The following KIF27 variants were observed in gnomAD, a reference collection of about 807,000 sequenced individuals.
The protein encoded by KIF27 is kinesin-like protein KIF27.
In KIF27, 84 loss-of-function variants were observed where a neutral mutation model predicts 141.8. The observed-to-expected ratio is 0.59, with a 90% CI of 0.50 to 0.71. The LOEUF is 0.71. Ranked by LOEUF, KIF27 falls within the 30% of genes least tolerant of loss-of-function variation. The pLI is 0.00. For missense variants in KIF27, 1,306 were observed against 1,628.4 expected, an observed-to-expected ratio of 0.80 and a Z score of 3.41; for synonymous variants, 471 against 569.5, an observed-to-expected ratio of 0.83 and a Z score of 2.46.
chr9:83,912,945 TCAGGTGTTCAAGAC>T (rs1457269070), intron 2 of KIF27, among the ~76,000 whole-genome samples: 1 of 151,804 alleles, frequency 6.6e-6, no homozygotes, highest in Admixed American at 6.6e-5. Flanking sequence ...TCACTTGATC[TCAGGTGTTCAAGAC>T]CAGCCTGGAC....
At chr9:83,902,940 T>C in intron 4 of KIF27, 120 bp downstream of exon 4, 3 of 559,594 alleles carry the variant, frequency 5.4e-6, no homozygotes, top group Non-Finnish European at 8.8e-6. Flanking sequence ...ATAAATTTAG[T>C]CCTTAAAAGA....
intron 3 of KIF27, 58 bp from the exon 4 acceptor site, chr9:83,904,076 AACAGT>A: frequency 7.4e-7 from 1 of 1,352,656 alleles, no homozygotes; most frequent in African/African-American, 1.5e-5. Flanking sequence ...TAGTATAGTT[AACAGT>A]TACCATTTGC....
chr9:83,845,768 A>C (rs1947193804), intron 16 of KIF27, among the ~76,000 whole-genome samples: 4 of 152,328 alleles, frequency 2.6e-5, no homozygotes, highest in Admixed American at 2.0e-4. Context: ...GGCTGTAGCC[A>C]GTGGTTTGGC....
intron 5 of KIF27, among the ~76,000 whole-genome samples, chr9:83,897,251 C>A (rs370374175): frequency 6.6e-6 from 1 of 152,046 alleles, no homozygotes; most frequent in Non-Finnish European, 1.5e-5. Flanking sequence ...GAAATGTGAT[C>A]TTGGCTCAAG....
At chr9:83,877,862 C>T (rs546089163) in intron 11 of KIF27, among the ~76,000 whole-genome samples, 29 of 151,978 alleles carry the variant, frequency 1.9e-4, no homozygotes, top group Non-Finnish European at 3.8e-4. Flanking sequence ...AGACATTTCT[C>T]CAAAGAAGAT....
At chr9:83,916,321 C>T (rs1312622437) in intron 1 of KIF27, among the ~76,000 whole-genome samples, 2 of 152,160 alleles carry the variant, frequency 1.3e-5, no homozygotes, top group African/African-American at 4.8e-5. Flanking sequence ...CGTGAGCCAC[C>T]GTGCCCAGCC....
Position 83,873,302 on chromosome 9 carries a change from C to T in KIF27, c.2644-2670G>A, listed in dbSNP as rs182313221. On this transcript the variant is annotated intron_variant, in intron 11 of 17. Coordinates refer to ENST00000297814, the MANE Select transcript of KIF27 (RefSeq NM_017576.4). Reference sequence around the variant, plus strand: ...CTCCAAGGCATAGGATAAAAGAAGGCTATACACCCAACTACAACATACACT... The same window carrying T: ...CTCCAAGGCATAGGATAAAAGAAGGTTATACACCCAACTACAACATACACT... Among the ~76,000 whole-genome samples the T allele has an allele frequency of 2.8e-3, 423 of 152,260 alleles. 2 individuals are homozygous for T. Among genetic ancestry groups the T allele is most frequent in the South Asian group, 8.7e-3 (42 of 4,820 alleles).
At chr9:83,872,254 C>T (rs1022363908) in intron 11 of KIF27, among the ~76,000 whole-genome samples, 6 of 152,080 alleles carry the variant, frequency 3.9e-5, no homozygotes, top group African/African-American at 9.7e-5. Flanking sequence ...AGGCAGAGTA[C>T]GGTGAGCTGA....
Position 83,885,139 on chromosome 9 carries a change from C to T in KIF27, c.2240-1121G>A, listed in dbSNP as rs371244005. On this transcript the variant is annotated intron_variant, in intron 9 of 17. Coordinates refer to ENST00000297814, the MANE Select transcript of KIF27 (RefSeq NM_017576.4). ...ACAGAGCCTCGCTCTGTCACCCAGG[C>T]TAGAGTGCAGTGGTACAATGTCAGC... Among the ~76,000 whole-genome samples, 31 of 152,302 alleles carry T rather than the reference C, an allele frequency of 2.0e-4. No individual in the cohort carries two copies. In the South Asian group the frequency reaches 6.4e-3, roughly 32 times the overall value.
chr9:83,901,176 T>C (rs1953848894), intron 4 of KIF27, among the ~76,000 whole-genome samples: 1 of 152,132 alleles, frequency 6.6e-6, no homozygotes, highest in Non-Finnish European at 1.5e-5. Context: ...CCCAGACTGG[T>C]TTCAAACTCC....
At chr9:83,848,067 TATG>T (rs375256473) in intron 16 of KIF27, among the ~76,000 whole-genome samples, 467 of 14,382 alleles carry the variant, frequency 0.032, 160 homozygotes, top group Non-Finnish European at 0.054. Flanking sequence ...ATATCATATA[TATG>T]ATATATGATA....
intron 11 of KIF27, among the ~76,000 whole-genome samples, chr9:83,876,558 G>T (rs925187529): frequency 3.3e-5 from 5 of 152,126 alleles, no homozygotes; most frequent in Middle Eastern, 6.3e-3. Context: ...AAATGGAAAG[G>T]CCCATCCTCA....
At chr9:83,921,040 G>A (rs899969402) in intron 1 of KIF27, among the ~76,000 whole-genome samples, 1 of 152,144 alleles carries the variant, frequency 6.6e-6, no homozygotes, top group South Asian at 2.1e-4. Flanking sequence ...GAAAGGCCGG[G>A]TCCCGCGTTC....
At chr9:83,921,148 C>A (rs1956234151) in intron 1 of KIF27, among the ~76,000 whole-genome samples, 1 of 152,138 alleles carries the variant, frequency 6.6e-6, no homozygotes, top group South Asian at 2.1e-4. Flanking sequence ...CTCCCAGCCC[C>A]GACCCCAGAC....
At chr9:83,894,474 GACTC>G (rs1952980524) in intron 5 of KIF27, among the ~76,000 whole-genome samples, 1 of 152,174 alleles carries the variant, frequency 6.6e-6, no homozygotes, top group African/African-American at 2.4e-5. Context: ...TGATTATACT[GACTC>G]ACTGTGCTCA....
rs1268851873 is a variant in KIF27, at chr9:83,836,046, TA to T, written c.*954del. 6.6e-6 allele frequency among the ~76,000 whole-genome samples: 1 copy of T among 152,154 alleles called. No homozygotes were observed. The highest frequency in any genetic ancestry group is 1.5e-5 in the Non-Finnish European group (1 of 68,022). On this transcript the variant is annotated 3_prime_UTR_variant, in exon 18 of 18. Transcript: ENST00000297814. ...GACCAGAAAAACTTGGAGATTTTAG[TA>T]AAAATTTCATTGACATATTTACAGC...
intron 15 of KIF27, among the ~76,000 whole-genome samples, chr9:83,852,694 T>C (rs1230718578): frequency 6.6e-6 from 1 of 152,154 alleles, no homozygotes; most frequent in Non-Finnish European, 1.5e-5. Flanking sequence ...GCAGTAGTGA[T>C]CATAGCTCAC....
At chr9:83,843,837 C>T in intron 16 of KIF27, among the ~76,000 whole-genome samples, 1 of 152,126 alleles carries the variant, frequency 6.6e-6, no homozygotes, top group East Asian at 1.9e-4. Context: ...ATCTTCCCAC[C>T]TTAGCCTCCG....
At chr9:83,905,824 G>A (rs929957772) in intron 3 of KIF27, among the ~76,000 whole-genome samples, 11 of 152,190 alleles carry the variant, frequency 7.2e-5, no homozygotes, top group Non-Finnish European at 1.6e-4. Flanking sequence ...AGCTTCCCAC[G>A]TGTACTAATT....
Sources: gnomAD v4.1 joint callset for allele counts (sites outside exome capture counted in the v4.1 genomes callset) on GRCh38, gnomAD v4.1.1 for gene constraint, MANE v1.5 for transcripts, NCBI Gene and HGNC (gene_info 2026-07-23, HGNC 2026-07-21) for gene names.